Variants in TBC1D9 observed in about 807,000 individuals in gnomAD.
The protein encoded by TBC1D9 is TBC1 domain family member 9A.
TBC1D9 carries 63 observed loss-of-function variants against 132.0 expected under a neutral mutation model. The ratio of observed to expected loss-of-function variants is 0.48; its 90% CI spans 0.39 to 0.59. The LOEUF is 0.59. TBC1D9 is among the 20% of genes least tolerant of loss of function. The probability of loss-of-function intolerance (pLI) is 0.00; values close to 1 mark genes in which losing one functional copy is unlikely to be tolerated. For missense variants in TBC1D9, 1,261 were observed against 1,592.7 expected (o/e 0.79, Z 3.54); for synonymous variants, 610 against 609.9 (o/e 1.00, Z 0.00).
intron 13 of TBC1D9, chr4:140,642,601 C>T (rs1332393364): frequency 2.3e-6 from 2 of 871,492 alleles, no homozygotes; most frequent in East Asian, 2.4e-5. Context: ...CCATCTTCTT[C>T]TTCTTAATCT....
chr4:140,681,953 T>A (rs1342381957), intron 3 of TBC1D9, among the ~76,000 whole-genome samples: 1 of 152,230 alleles, frequency 6.6e-6, no homozygotes, highest in Admixed American at 6.5e-5. Context: ...TTATATGTCC[T>A]TCTACCACTA....
chr4:140,684,456 T>C (rs1166835172), intron 3 of TBC1D9, among the ~76,000 whole-genome samples: 1 of 152,150 alleles, frequency 6.6e-6, no homozygotes. Flanking sequence ...AATGACATTC[T>C]TTCACACATA....
chr4:140,703,165 G>C (rs1379436812), intron 1 of TBC1D9, among the ~76,000 whole-genome samples: 1 of 152,192 alleles, frequency 6.6e-6, no homozygotes, highest in Admixed American at 6.5e-5. Context: ...CTGGGAGATG[G>C]AGGCTAAAGG....
chr4:140,639,975 T>A (rs1417290152), intron 13 of TBC1D9, among the ~76,000 whole-genome samples: 1 of 152,210 alleles, frequency 6.6e-6, no homozygotes, highest in Non-Finnish European at 1.5e-5. Flanking sequence ...AGTCTTTCTA[T>A]CTGAAGGCAG....
intron 16 of TBC1D9, among the ~76,000 whole-genome samples, chr4:140,630,513 A>G (rs1736778453): frequency 6.6e-6 from 1 of 152,120 alleles, no homozygotes. Context: ...ACACAAAAAG[A>G]GCCTAAAATC....
chr4:140,650,182 T>G (rs1340226947), intron 13 of TBC1D9, among the ~76,000 whole-genome samples: 1 of 152,244 alleles, frequency 6.6e-6, no homozygotes, highest in Admixed American at 6.5e-5. Flanking sequence ...ATCACTATAT[T>G]TTTACCTAGA....
chr4:140,714,023 C>A (rs1345166208), intron 1 of TBC1D9, among the ~76,000 whole-genome samples: 7 of 152,114 alleles, frequency 4.6e-5, no homozygotes, highest in African/African-American at 7.2e-5. Flanking sequence ...GAATCGGTAA[C>A]CCTTGGCATA....
Position 140,627,545 on chromosome 4 carries a change from CAT to C in TBC1D9, c.2813-20_2813-19del, listed in dbSNP as rs1736728289. ...GGATGGCTCTAGGGAGGGGAGGAAACATAGTTCTCATATTGGTAGGGCCATGA... is the reference window on the plus strand; with the variant it reads ...GGATGGCTCTAGGGAGGGGAGGAAACAGTTCTCATATTGGTAGGGCCATGA... On this transcript the variant is annotated intron_variant, in intron 17 of 20. Coordinates refer to ENST00000442267, the MANE Select transcript of TBC1D9 (RefSeq NM_015130.3). 1.4e-6 allele frequency: 2 copies of C among 1,452,362 alleles called. No individual in the cohort carries two copies. Among genetic ancestry groups the C allele is most frequent in the Admixed American group, 1.7e-5 (1 of 57,852 alleles). 90.0% of individuals were successfully genotyped at this position (1,452,362 alleles called of 1,614,324 possible).
chr4:140,685,994 C>T (rs1013608352), intron 3 of TBC1D9, among the ~76,000 whole-genome samples: 2 of 152,122 alleles, frequency 1.3e-5, no homozygotes, highest in African/African-American at 4.8e-5. Flanking sequence ...TGAAATGTTA[C>T]CAACACATAG....
chr4:140,657,951 CA>C, intron 11 of TBC1D9, 139 bp from the exon 12 acceptor site: 1 of 942,826 alleles, frequency 1.1e-6, no homozygotes. Context: ...GTTACTAGAC[CA>C]AGGTGTCAAC....
intron 1 of TBC1D9, among the ~76,000 whole-genome samples, chr4:140,713,524 C>T (rs905349813): frequency 6.6e-6 from 1 of 151,954 alleles, no homozygotes; most frequent in African/African-American, 2.4e-5. Context: ...ACCACTTGAG[C>T]CCAGGAGTCT....
chr4:140,669,787 G>C lies in TBC1D9; in HGVS notation c.1284C>G (p.Ser428Arg). The change falls in exon 8 of 21, where the codon AGC becomes AGG. Residue 428 changes from serine (S) to arginine (R), a missense_variant. Transcript: ENST00000442267. ...TCTGGGGGCTGGAGGAGACGAGGCTGCTGGGTCGAGAGTACACCTGTCAAT... is the reference window on the plus strand; with the variant it reads ...TCTGGGGGCTGGAGGAGACGAGGCTCCTGGGTCGAGAGTACACCTGTCAAT... ...SSDDEVYSRP[S>R]SLVSSSPQRS... The C allele has an allele frequency of 1.9e-6, 3 of 1,613,724 alleles. No individual in the cohort carries two copies. The highest frequency in any genetic ancestry group is 2.5e-6 in the Non-Finnish European group (3 of 1,179,734).
chr4:140,746,298 T>C (rs943377419), intron 1 of TBC1D9, among the ~76,000 whole-genome samples: 5 of 152,210 alleles, frequency 3.3e-5, no homozygotes, highest in African/African-American at 1.2e-4. Context: ...AGAAACTGTC[T>C]CCATCTCTTG....
At position 140,691,470 on chromosome 4, in the gene TBC1D9, C is replaced by T. The variant is rs573080953; in HGVS notation, c.242-5008G>A. 2.0e-5 allele frequency among the ~76,000 whole-genome samples: 3 copies of T among 152,220 alleles called. No homozygotes were observed. The South Asian group carries it at 6.2e-4, about 32-fold the overall frequency. Reference sequence around the variant, plus strand: ...CCCTGACAAGGAACTGATCTATTTACCCAGCAGCTTGAACAAACTGTGTTA... The same window carrying T: ...CCCTGACAAGGAACTGATCTATTTATCCAGCAGCTTGAACAAACTGTGTTA... On this transcript the variant is annotated intron_variant, in intron 2 of 20. Transcript: ENST00000442267.
intron 1 of TBC1D9, among the ~76,000 whole-genome samples, chr4:140,753,476 T>C (rs1288064756): frequency 6.6e-6 from 1 of 152,170 alleles, no homozygotes; most frequent in Non-Finnish European, 1.5e-5. Context: ...AGTCAGGGCA[T>C]GTACTCCCCA....
At chr4:140,710,621 C>T (rs1422709953) in intron 1 of TBC1D9, among the ~76,000 whole-genome samples, 1 of 152,100 alleles carries the variant, frequency 6.6e-6, no homozygotes. Flanking sequence ...CCTCAAAAGG[C>T]CATGTCTTCC....
At chr4:140,630,579 T>G (rs566940563) in intron 16 of TBC1D9, among the ~76,000 whole-genome samples, 342 of 152,354 alleles carry the variant, frequency 2.2e-3, no homozygotes, top group Non-Finnish European at 3.1e-3. Context: ...CGTGATTTGC[T>G]GGCTCTCAGA....
At chr4:140,689,498 C>T (rs1218670272) in intron 2 of TBC1D9, among the ~76,000 whole-genome samples, 3 of 97,708 alleles carry the variant, frequency 3.1e-5, no homozygotes, top group African/African-American at 1.2e-4. Context: ...TTCCCTTCCC[C>T]CTTTCCTTCC....
At chr4:140,668,672 A>T (rs942307378) in intron 9 of TBC1D9, among the ~76,000 whole-genome samples, 2 of 152,208 alleles carry the variant, frequency 1.3e-5, no homozygotes, top group African/African-American at 4.8e-5. Flanking sequence ...GAAGAAATGG[A>T]AGTATTTATA....
Sources: gnomAD v4.1 joint callset for allele counts (sites outside exome capture counted in the v4.1 genomes callset) on GRCh38, gnomAD v4.1.1 for gene constraint, MANE v1.5 for transcripts, NCBI Gene and HGNC (gene_info 2026-07-23, HGNC 2026-07-21) for gene names.